HYCC2: variants seen among roughly 807,000 people sequenced by gnomAD.
HYCC2 encodes the protein hyccin PI4KA lipid kinase complex subunit 2, also known as hyccin 2.
chr2:201,068,006 T>C, the HYCC2 span, among the ~76,000 whole-genome samples: 1 of 152,088 alleles, frequency 6.6e-6, no homozygotes, highest in African/African-American at 2.4e-5. Context: ...TATGACAGGC[T>C]GGGTGCAGTG....
chr2:200,987,384 T>C, the HYCC2 span: 2 of 1,289,676 alleles, frequency 1.6e-6, no homozygotes, highest in Admixed American at 2.3e-5. Context: ...TGGCTGTTGC[T>C]GAGTTGGGCT....
At chr2:201,018,432 G>A in the HYCC2 span, among the ~76,000 whole-genome samples, 1 of 151,876 alleles carries the variant, frequency 6.6e-6, no homozygotes, top group Non-Finnish European at 1.5e-5. Context: ...ATATACATTT[G>A]GAAATCTGTT....
At chr2:201,062,375 G>A in the HYCC2 span, among the ~76,000 whole-genome samples, 9 of 151,886 alleles carry the variant, frequency 5.9e-5, no homozygotes, top group East Asian at 1.9e-4. Context: ...GAGGCCGGGC[G>A]CGGTGGCTCA....
At chr2:200,991,899 C>A in the HYCC2 span, among the ~76,000 whole-genome samples, 38 of 151,848 alleles carry the variant, frequency 2.5e-4, no homozygotes, top group South Asian at 7.3e-3. Flanking sequence ...AAAAAAACCC[C>A]CAAAATCCTA....
At chr2:201,012,066 C>A in the HYCC2 span, among the ~76,000 whole-genome samples, 1 of 151,998 alleles carries the variant, frequency 6.6e-6, no homozygotes, top group African/African-American at 2.4e-5. Context: ...CATAGTTATC[C>A]CTTTTTTTTT....
At chr2:201,041,498 T>C in the HYCC2 span, among the ~76,000 whole-genome samples, 1 of 152,236 alleles carries the variant, frequency 6.6e-6, no homozygotes, top group East Asian at 1.9e-4. Flanking sequence ...AGTGGCTGGC[T>C]CCTTCTGATC....
chr2:200,982,119 C>G, the HYCC2 span, among the ~76,000 whole-genome samples: 1 of 151,408 alleles, frequency 6.6e-6, no homozygotes, highest in Non-Finnish European at 1.5e-5. Context: ...ATCTAGTATA[C>G]TGTCAATATT....
chr2:200,999,634 C>A, the HYCC2 span, among the ~76,000 whole-genome samples: 13 of 150,280 alleles, frequency 8.7e-5, no homozygotes, highest in African/African-American at 3.2e-4. Context: ...AGGTGATCTG[C>A]CTGCCTCGGC....
chr2:201,041,354 C>T, the HYCC2 span, among the ~76,000 whole-genome samples: 2 of 152,346 alleles, frequency 1.3e-5, no homozygotes, highest in South Asian at 2.1e-4. Context: ...ATGGTTCATA[C>T]TACTCTCCCC....
At chr2:201,068,307 C>T in the HYCC2 span, among the ~76,000 whole-genome samples, 1 of 151,810 alleles carries the variant, frequency 6.6e-6, no homozygotes, top group Non-Finnish European at 1.5e-5. Flanking sequence ...AAAAAAAAAG[C>T]TATCCTAGCT....
chr2:201,064,115 A>T, the HYCC2 span: 1 of 1,360,788 alleles, frequency 7.3e-7, no homozygotes, highest in Non-Finnish European at 1.0e-6. Flanking sequence ...ACAGGTTACA[A>T]CAGATTTGTG....
At chr2:201,063,490 T>G in the HYCC2 span, 2 of 1,592,232 alleles carry the variant, frequency 1.3e-6, no homozygotes, top group African/African-American at 1.3e-5. Context: ...TTGAAGTGAT[T>G]GAAATCATGA....
chr2:200,997,649 A>T, the HYCC2 span: 6 of 663,726 alleles, frequency 9.0e-6, no homozygotes, highest in Non-Finnish European at 1.3e-5. Context: ...AATCAAATCA[A>T]TATAGCATCT....
chr2:201,063,348 A>C, the HYCC2 span: 1 of 1,564,744 alleles, frequency 6.4e-7, no homozygotes, highest in Non-Finnish European at 8.7e-7. Flanking sequence ...GTGGAACCAA[A>C]GAGAGCTGTC....
chr2:201,002,807 G>A, the HYCC2 span, among the ~76,000 whole-genome samples: 3 of 152,120 alleles, frequency 2.0e-5, no homozygotes, highest in East Asian at 3.9e-4. Context: ...ACAAGCGTGA[G>A]CCACTGCACC....
chr2:200,979,659 CAA>C, the HYCC2 span: 1 of 152,432 alleles, frequency 6.6e-6, no homozygotes, highest in Non-Finnish European at 1.5e-5. Context: ...TTTTCTTAAA[CAA>C]TAATCAAGTA....
chr2:201,040,462 T>G, the HYCC2 span, among the ~76,000 whole-genome samples: 19 of 151,866 alleles, frequency 1.3e-4, no homozygotes, highest in African/African-American at 4.1e-4. Context: ...TGCTTTTGTT[T>G]TTTTTTTTTT....
chr2:201,016,357 T>C, the HYCC2 span, among the ~76,000 whole-genome samples: 6 of 152,170 alleles, frequency 3.9e-5, no homozygotes, highest in African/African-American at 1.4e-4. Flanking sequence ...GGCACAATCA[T>C]GGCTCACTGC....
chr2:201,063,417 G>A, the HYCC2 span: 2 of 1,590,054 alleles, frequency 1.3e-6, no homozygotes, highest in Non-Finnish European at 1.7e-6. Flanking sequence ...ATATTTGTTG[G>A]TGGCATTAAA....
Sources: allele counts gnomAD v4.1 joint callset (sites outside exome capture counted in the v4.1 genomes callset), GRCh38; gene constraint gnomAD v4.1.1; transcripts MANE v1.5; gene names NCBI Gene and HGNC (gene_info 2026-07-23, HGNC 2026-07-21).